Variants in CHCHD3 observed in about 807,000 individuals in gnomAD.
The protein encoded by CHCHD3 is coiled-coil-helix-coiled-coil-helix domain containing 3, also known as MICOS complex subunit MIC19.
A neutral mutation model predicts 38.2 loss-of-function variants in CHCHD3; 20 were observed. The observed-to-expected ratio is 0.52, with a 90% CI of 0.37 to 0.76. The LOEUF (loss-of-function observed/expected upper bound fraction) is 0.76, where lower values mean the gene tolerates loss of function less well. Ranked by LOEUF, CHCHD3 falls within the 30% of genes least tolerant of loss-of-function variation. The pLI, the probability that CHCHD3 is intolerant of heterozygous loss-of-function variation, is 0.00. For synonymous variants in CHCHD3, 82 were observed against 100.0 expected (o/e 0.82, Z 1.07); for missense variants, 245 against 279.2 (o/e 0.88, Z 0.87).
In CHCHD3 at chr7:133,073,018, T is replaced by A. The variant is rs560191679; in HGVS notation, c.82-2789A>T. Among the ~76,000 whole-genome samples the A allele has an allele frequency of 6.7e-4, 102 of 152,186 alleles. 1 individual carries two copies. The highest frequency in any genetic ancestry group is 2.3e-3 in the African/African-American group (96 of 41,518). ...TCCTGAACTCACCACTCTCTGGCTT[T>A]TACCCTCAGTGCAACAGTGAACATT... On this transcript the variant is annotated intron_variant, in intron 1 of 7. Transcript: ENST00000262570.
At chr7:133,017,034 G>A (rs1302583377) in intron 3 of CHCHD3, among the ~76,000 whole-genome samples, 1 of 152,198 alleles carries the variant, frequency 6.6e-6, no homozygotes, top group Admixed American at 6.5e-5. Context: ...GTCCAAATTT[G>A]CGAGAAAATG....
At chr7:133,021,404 A>T (rs1378988139) in intron 3 of CHCHD3, among the ~76,000 whole-genome samples, 1 of 152,140 alleles carries the variant, frequency 6.6e-6, no homozygotes, top group African/African-American at 2.4e-5. Context: ...CTGCTGGGGA[A>T]CTATTTCCTC....
chr7:133,039,084 T>C (rs988833873), intron 2 of CHCHD3, among the ~76,000 whole-genome samples: 13 of 152,226 alleles, frequency 8.5e-5, no homozygotes, highest in African/African-American at 3.1e-4. Context: ...TTGTGGACTT[T>C]AGTGTCTCTA....
At chr7:133,024,891 C>T (rs1437394121) in intron 2 of CHCHD3, among the ~76,000 whole-genome samples, 1 of 152,132 alleles carries the variant, frequency 6.6e-6, no homozygotes, top group Non-Finnish European at 1.5e-5. Flanking sequence ...GCTTACTGTA[C>T]AGTGGGGACT....
At chr7:133,055,132 C>G (rs1171572077) in intron 2 of CHCHD3, among the ~76,000 whole-genome samples, 2 of 151,540 alleles carry the variant, frequency 1.3e-5, no homozygotes, top group East Asian at 3.9e-4. Context: ...TGAGTTCAGC[C>G]TGGGAAAAAC....
At chr7:132,978,971 T>C (rs1811845025) in intron 3 of CHCHD3, among the ~76,000 whole-genome samples, 1 of 152,204 alleles carries the variant, frequency 6.6e-6, no homozygotes, top group African/African-American at 2.4e-5. Flanking sequence ...ATGGTGACTG[T>C]TTAAGAAACC....
chr7:132,807,210 C>T (rs1806942554), intron 6 of CHCHD3, among the ~76,000 whole-genome samples: 1 of 152,138 alleles, frequency 6.6e-6, no homozygotes, highest in South Asian at 2.1e-4. Context: ...GCTGCCTGGC[C>T]CTGCAGTGGT....
intron 3 of CHCHD3, among the ~76,000 whole-genome samples, chr7:133,023,066 T>C (rs1813237768): frequency 6.6e-6 from 1 of 152,112 alleles, no homozygotes; most frequent in Non-Finnish European, 1.5e-5. Context: ...ACATATTGAT[T>C]CTCTTTTTTT....
At chr7:132,820,006 C>A (rs983091314) in intron 6 of CHCHD3, among the ~76,000 whole-genome samples, 1 of 152,010 alleles carries the variant, frequency 6.6e-6, no homozygotes, top group Non-Finnish European at 1.5e-5. Context: ...GCTGTTTGTC[C>A]CAACTTCTAT....
chr7:132,868,673 G>A (rs187540767), intron 5 of CHCHD3, among the ~76,000 whole-genome samples: 4 of 152,144 alleles, frequency 2.6e-5, no homozygotes, highest in Non-Finnish European at 5.9e-5. Flanking sequence ...AAAGAAAATT[G>A]ATATAAACAT....
chr7:132,843,857 T>C (rs547668122), intron 5 of CHCHD3, among the ~76,000 whole-genome samples: 9 of 152,368 alleles, frequency 5.9e-5, no homozygotes, highest in East Asian at 1.9e-4. Flanking sequence ...ATTGTAAGAC[T>C]TGTATGATCT....
chr7:132,975,051 A>G (rs1811725467), intron 4 of CHCHD3, 118 bp downstream of exon 4: 2 of 812,874 alleles, frequency 2.5e-6, no homozygotes, highest in Non-Finnish European at 4.0e-6. Flanking sequence ...AAATCTGAGC[A>G]AAGAGAACAT....
At chr7:132,828,417 C>T (rs1299917867) in intron 6 of CHCHD3, among the ~76,000 whole-genome samples, 2 of 151,890 alleles carry the variant, frequency 1.3e-5, no homozygotes, top group Admixed American at 6.6e-5. Context: ...AAGTCTTTTG[C>T]CCATGAAAAA....
intron 4 of CHCHD3, among the ~76,000 whole-genome samples, chr7:132,972,113 A>C (rs12707063): frequency 0.36 from 54,345 of 152,060 alleles, 10,626 homozygotes; most frequent in Non-Finnish European, 0.44. Context: ...ACCTCTAAAC[A>C]TTAATGATAG....
intron 4 of CHCHD3, among the ~76,000 whole-genome samples, chr7:132,958,680 C>T (rs1350937430): frequency 1.3e-5 from 2 of 152,180 alleles, no homozygotes; most frequent in Non-Finnish European, 2.9e-5. Context: ...GGCAACAGGC[C>T]ATTCTTGTTC....
intron 7 of CHCHD3, among the ~76,000 whole-genome samples, chr7:132,786,536 C>G (rs188816437): frequency 9.7e-4 from 148 of 152,300 alleles, no homozygotes; most frequent in African/African-American, 3.4e-3. Flanking sequence ...TGGGGGTATA[C>G]TGCCTTCATT....
At chr7:132,824,378 G>C (rs1807455841) in intron 6 of CHCHD3, among the ~76,000 whole-genome samples, 1 of 146,650 alleles carries the variant, frequency 6.8e-6, no homozygotes, top group African/African-American at 2.5e-5. Context: ...GAGTGCAGTG[G>C]CATGATCTCG....
At chr7:132,902,744 C>G (rs1809701572) in intron 4 of CHCHD3, among the ~76,000 whole-genome samples, 1 of 151,996 alleles carries the variant, frequency 6.6e-6, no homozygotes. Flanking sequence ...GTGCAGCACA[C>G]CAACATGGCA....
At chr7:132,984,457 G>A (rs1200604559) in intron 3 of CHCHD3, among the ~76,000 whole-genome samples, 6 of 149,608 alleles carry the variant, frequency 4.0e-5, no homozygotes, top group African/African-American at 1.2e-4. Context: ...GCAAAGTGCC[G>A]AGATTGCAGC....
Sources: gnomAD v4.1 joint callset for allele counts (sites outside exome capture counted in the v4.1 genomes callset) on GRCh38, gnomAD v4.1.1 for gene constraint, MANE v1.5 for transcripts, NCBI Gene and HGNC (gene_info 2026-07-23, HGNC 2026-07-21) for gene names.